Variants in DRC11 observed in about 807,000 individuals in gnomAD.
The protein encoded by DRC11 is IQ and AAA domain-containing protein 1.
chr2:236,313,108 G>C, the DRC11 span, among the ~76,000 whole-genome samples: 1 of 152,028 alleles, frequency 6.6e-6, no homozygotes, highest in Admixed American at 6.6e-5. The surrounding 1 kb of genome is among the most constrained non-coding windows in gnomAD (Gnocchi z 4.5). Flanking sequence ...TATAATACTA[G>C]TCTTACAGAA....
At chr2:236,371,119 G>A in the DRC11 span, among the ~76,000 whole-genome samples, 7 of 152,064 alleles carry the variant, frequency 4.6e-5, no homozygotes, top group African/African-American at 9.7e-5. The surrounding 1 kb of genome is among the most constrained non-coding windows in gnomAD (Gnocchi z 5.1). Flanking sequence ...TTCTGCGTCC[G>A]GGGATCCCTG....
the DRC11 span, among the ~76,000 whole-genome samples, chr2:236,321,186 C>T: frequency 1.1e-3 from 170 of 151,928 alleles, 1 homozygote; most frequent in East Asian, 0.025. Context: ...TATATACCCA[C>T]GAAGACTATG....
chr2:236,412,826 A>G, the DRC11 span: 6 of 152,272 alleles, frequency 3.9e-5, no homozygotes, highest in African/African-American at 1.2e-4. Flanking sequence ...TTGAGTTCCA[A>G]GAGCTGTCAG....
At chr2:236,497,277 T>C in the DRC11 span, 2 of 1,613,764 alleles carry the variant, frequency 1.2e-6, no homozygotes, top group African/African-American at 1.3e-5. The surrounding 1 kb of genome is among the most constrained non-coding windows in gnomAD (Gnocchi z 5.1). Context: ...CGTCCAGGAC[T>C]TTCCTGATCA....
the DRC11 span, among the ~76,000 whole-genome samples, chr2:236,464,607 C>T: frequency 1.2e-4 from 18 of 152,268 alleles, no homozygotes; most frequent in East Asian, 3.9e-4. Context: ...AATATGAATA[C>T]GCCTGGAGCC....
chr2:236,445,351 TAGAC>T, the DRC11 span, among the ~76,000 whole-genome samples: 3 of 152,064 alleles, frequency 2.0e-5, no homozygotes, highest in African/African-American at 4.8e-5. The surrounding 1 kb of genome is among the most constrained non-coding windows in gnomAD (Gnocchi z 4.8). Context: ...TATTTAATTT[TAGAC>T]AGAGTCTTGC....
At chr2:236,366,096 G>A in the DRC11 span, among the ~76,000 whole-genome samples, 3 of 152,110 alleles carry the variant, frequency 2.0e-5, no homozygotes, top group African/African-American at 2.4e-5. Context: ...CAGTGGACAC[G>A]GTTTCTGCTC....
chr2:236,404,509 T>A, the DRC11 span, among the ~76,000 whole-genome samples: 2 of 152,170 alleles, frequency 1.3e-5, no homozygotes, highest in African/African-American at 4.8e-5. Context: ...CTGGCCATCT[T>A]CTGTGGACTG....
the DRC11 span, chr2:236,497,517 C>T: frequency 6.7e-7 from 1 of 1,496,686 alleles, no homozygotes; most frequent in Non-Finnish European, 9.0e-7. This position sits in a 1 kb window ranked among gnomAD's most constrained non-coding sequence, Gnocchi z 5.1. Flanking sequence ...TTAGATGATA[C>T]AGTAAATAAA....
chr2:236,398,799 C>T, the DRC11 span, among the ~76,000 whole-genome samples: 1 of 152,088 alleles, frequency 6.6e-6, no homozygotes, highest in South Asian at 2.1e-4. This position sits in a 1 kb window ranked among gnomAD's most constrained non-coding sequence, Gnocchi z 6.2. Context: ...AGGAATAAGA[C>T]ATTTGACTAC....
the DRC11 span, among the ~76,000 whole-genome samples, chr2:236,462,061 T>G: frequency 6.6e-6 from 1 of 152,010 alleles, no homozygotes; most frequent in Admixed American, 6.6e-5. The surrounding 1 kb of genome is among the most constrained non-coding windows in gnomAD (Gnocchi z 6.4). Flanking sequence ...GCGGGGTGAA[T>G]GTTGAGACCC....
the DRC11 span, chr2:236,391,531 C>G: frequency 0.017 from 2,862 of 171,714 alleles, 97 homozygotes; most frequent in African/African-American, 0.065. The surrounding 1 kb of genome is among the most constrained non-coding windows in gnomAD (Gnocchi z 4.5). Context: ...TACTCTAAAC[C>G]ACTGTGAGAT....
chr2:236,444,039 G>GT, the DRC11 span, among the ~76,000 whole-genome samples: 11 of 148,222 alleles, frequency 7.4e-5, no homozygotes, highest in East Asian at 3.9e-4. Flanking sequence ...TAATGGGGTT[G>GT]TTTTTTTTCA....
At chr2:236,459,576 C>CGTAT in the DRC11 span, among the ~76,000 whole-genome samples, 1,301 of 124,920 alleles carry the variant, frequency 0.01, 22 homozygotes, top group Admixed American at 0.013. Context: ...TATGTGTATA[C>CGTAT]ATACGTATAT....
chr2:236,310,622 G>C, the DRC11 span, among the ~76,000 whole-genome samples: 19 of 152,192 alleles, frequency 1.2e-4, no homozygotes, highest in Non-Finnish European at 2.9e-5. This position sits in a 1 kb window ranked among gnomAD's most constrained non-coding sequence, Gnocchi z 5.5. Context: ...TGGGCTTTCA[G>C]AGGGCCAGAC....
the DRC11 span, among the ~76,000 whole-genome samples, chr2:236,431,067 T>C: frequency 2.0e-5 from 3 of 152,204 alleles, no homozygotes; most frequent in African/African-American, 4.8e-5. The surrounding 1 kb of genome is among the most constrained non-coding windows in gnomAD (Gnocchi z 4.2). Flanking sequence ...TACTCACCCA[T>C]TTCAAGTGTG....
chr2:236,491,213 C>CACACAGTATATATATATATATATATAT, the DRC11 span, among the ~76,000 whole-genome samples: 207 of 32,658 alleles, frequency 6.3e-3, 4 homozygotes, highest in Admixed American at 0.019. Context: ...TATATATATA[C>CACACAGTATATATATATATATATATAT]ACACAGTATA....
the DRC11 span, among the ~76,000 whole-genome samples, chr2:236,350,083 A>C: frequency 6.6e-6 from 1 of 152,190 alleles, no homozygotes; most frequent in Non-Finnish European, 1.5e-5. The surrounding 1 kb of genome is among the most constrained non-coding windows in gnomAD (Gnocchi z 5.2). Context: ...TTTTGCTCTT[A>C]ACAAACTAAG....
the DRC11 span, among the ~76,000 whole-genome samples, chr2:236,318,003 C>T: frequency 4.4e-4 from 67 of 152,350 alleles, no homozygotes; most frequent in African/African-American, 1.4e-3. The surrounding 1 kb of genome is among the most constrained non-coding windows in gnomAD (Gnocchi z 7.0). Context: ...ACCGGTCTCA[C>T]GGTGCGGTGT....
Sources: gnomAD v4.1 joint callset for allele counts (sites outside exome capture counted in the v4.1 genomes callset) on GRCh38, gnomAD v4.1.1 for gene constraint, Gnocchi (gnomAD v3.1) non-coding constraint, MANE v1.5 for transcripts, NCBI Gene and HGNC (gene_info 2026-07-23, HGNC 2026-07-21) for gene names.